TAF6L: variants seen among roughly 807,000 people sequenced by gnomAD.
The protein encoded by TAF6L is TATA-box binding protein associated factor 6 like.
In TAF6L, 34 loss-of-function variants were observed where a neutral mutation model predicts 57.3. The ratio of observed to expected loss-of-function variants is 0.59; its 90% CI spans 0.45 to 0.79. The LOEUF (loss-of-function observed/expected upper bound fraction) is 0.79. Among genes scored for constraint, TAF6L ranks in the 30% least tolerant of loss-of-function variants. The pLI is 0.00. For missense variants in TAF6L, 782 were observed against 853.2 expected, an observed-to-expected ratio of 0.92 and a Z score of 1.04; for synonymous variants, 417 against 376.3, an observed-to-expected ratio of 1.11 and a Z score of -1.25.
intron 9 of TAF6L, among the ~76,000 whole-genome samples, chr11:62,783,265 A>G (rs1227007564): frequency 2.6e-5 from 4 of 152,190 alleles, no homozygotes; most frequent in South Asian, 2.1e-4. Context: ...GGCGGATCAC[A>G]AGGTCAGGAG....
chr11:62,781,843 T>A lies in TAF6L; in HGVS notation c.532-51T>A, dbSNP rs1417463194. The A allele has an allele frequency of 2.0e-6, 3 of 1,490,794 alleles. No homozygotes were observed. In the Admixed American group the frequency reaches 5.0e-5, roughly 25 times the overall value. The allele number at this position is 1,490,794 out of a possible 1,614,324, so 92.3% of individuals were successfully genotyped here. A position where few individuals can be genotyped will look rare whatever the true frequency, so the allele number is the denominator to read the frequency against. On this transcript the variant is annotated intron_variant, in intron 6 of 10. Transcript: ENST00000294168. ...GTCTTCCAGAAGAATACCGCATTCA[T>A]GTTTTACAATTTTCTGGTGGATCCA...
Position 62,782,706 on chromosome 11 carries a change from C to G in TAF6L, c.841C>G (p.Leu281Val), listed in dbSNP as rs1002439374. 12 of 1,612,238 alleles carry G rather than the reference C, an allele frequency of 7.4e-6. No homozygotes were observed. Among genetic ancestry groups the G allele is most frequent in the Non-Finnish European group, 1.0e-5 (12 of 1,179,992 alleles). Residue 281 changes from leucine to valine, a missense_variant, in exon 9 of 11, where the codon CTT becomes GTT. Around this residue, in one of 3 missense-constraint regions of TAF6L, gnomAD observed 79 missense variants for 156.0 expected, o/e 0.51. Coordinates refer to ENST00000294168, the MANE Select transcript of TAF6L (RefSeq NM_006473.4). ...LSHIFWTHGD[L>V]VSGLYQHILL... ...GTGCTCCCACAGGACTCATGGGGAC[C>G]TTGTAAGTGGCCTCTATCAGCATAT...
chr11:62,779,909 AC>A (rs2084214451), intron 6 of TAF6L, among the ~76,000 whole-genome samples: 1 of 129,900 alleles, frequency 7.7e-6, no homozygotes, highest in African/African-American at 2.9e-5. Context: ...CAGGTGATCC[AC>A]CCGCCTCTGC....
chr11:62,774,892 A>C (rs1441413880), intron 1 of TAF6L, among the ~76,000 whole-genome samples: 3 of 141,296 alleles, frequency 2.1e-5, no homozygotes, highest in Non-Finnish European at 4.7e-5. Context: ...ACTCCGTCTC[A>C]AAAAAAAAAA....
intron 1 of TAF6L, among the ~76,000 whole-genome samples, chr11:62,773,633 GATGGGGGTTTTTCT>G (rs2084165563): frequency 1.3e-5 from 2 of 151,798 alleles, no homozygotes; most frequent in Non-Finnish European, 2.9e-5. Flanking sequence ...TTGTAGTAGA[GATGGGGGTTTTTCT>G]ATGTTGGTCA....
chr11:62,772,480 G>A (rs1041431802), intron 1 of TAF6L, among the ~76,000 whole-genome samples: 1 of 149,594 alleles, frequency 6.7e-6, no homozygotes, highest in African/African-American at 2.5e-5. Context: ...CCGAGATCAC[G>A]CCACTGTACT....
At chr11:62,771,737 T>C (rs190932018) in intron 1 of TAF6L, 15 of 216,956 alleles carry the variant, frequency 6.9e-5, no homozygotes, top group Non-Finnish European at 1.3e-4. Flanking sequence ...CTCTCCAGCG[T>C]GACTAGTGGC....
Position 62,778,520 on chromosome 11 carries a change from TG to T in TAF6L, c.436+186del, listed in dbSNP as rs898949732. On this transcript the variant is annotated intron_variant, in intron 5 of 10. Coordinates refer to ENST00000294168, the MANE Select transcript of TAF6L (RefSeq NM_006473.4). ...AGAGTTGGAGATGGGGGCCCAGACC[TG>T]TAACTAGTCATAATGCAGCATGTTG... 3.4e-5 allele frequency: 23 copies of T among 683,726 alleles called. No homozygotes were observed. The African/African-American group carries it at 3.8e-4, about 11-fold the overall frequency. 42.4% of individuals were successfully genotyped at this position (683,726 alleles called of 1,614,324 possible).
At position 62,786,520 on chromosome 11, in the gene TAF6L, G is replaced by C; in HGVS notation, c.1093G>C (p.Ala365Pro). 5 of 1,554,636 alleles carry C rather than the reference G, an allele frequency of 3.2e-6. No individual in the cohort carries two copies. The highest frequency in any genetic ancestry group is 4.4e-6 in the Non-Finnish European group (5 of 1,146,840). Residue 365 changes from alanine (A) to proline (P), a missense_variant, in exon 11 of 11, where the codon GCG becomes CCG. By Grantham distance (27) the Ala-to-Pro change is conservative. Coordinates refer to ENST00000294168, the MANE Select transcript of TAF6L (RefSeq NM_006473.4). ...TCTTAGTCCTTGGCTCTTACAGGTG[G>C]CGGTAGAGCGACTGCTGAAGATGAA... The part of the protein sequence containing the change: ...GHKVYGAILV[A>P]VERLLKMKAQ...
chr11:62,782,826 G>T lies in TAF6L; in HGVS notation c.960+1G>T. 6.2e-7 allele frequency: 1 copy of T among 1,614,000 alleles called. No homozygotes were observed. The highest frequency in any genetic ancestry group is 2.2e-5 in the East Asian group (1 of 44,890). On this transcript the variant is annotated splice_donor_variant, in intron 9 of 10. Transcript: ENST00000294168. LOFTEE classifies it high-confidence loss of function. ...GGGGCTGCATGCTCTTGGCTGGAAG[G>T]TGAGCACCCTGGCCTTTCTCACACA...
rs187973390 is a variant in TAF6L, at chr11:62,779,147, A to C, written c.531+184A>C. ...GTGATTCTCCTGCCTCAGCCTCCTG[A>C]ATAGCTGGGATTACAGGCGTGTGCC... is the stretch of plus-strand genomic sequence containing the variant. On this transcript the variant is annotated intron_variant, in intron 6 of 10. Transcript: ENST00000294168. 5.7e-3 allele frequency among the ~76,000 whole-genome samples: 867 copies of C among 151,722 alleles called. 3 individuals carry two copies. Among genetic ancestry groups the C allele is most frequent in the Non-Finnish European group, 8.3e-3 (566 of 67,954 alleles).
chr11:62,782,523 T>C (rs986030325), intron 8 of TAF6L, 170 bp from the exon 9 acceptor site: 21 of 1,090,340 alleles, frequency 1.9e-5, no homozygotes, highest in Non-Finnish European at 2.8e-5. Flanking sequence ...CGCCAAGGTA[T>C]TGGTTCTTCA....
chr11:62,780,696 G>A (rs1195657737), intron 6 of TAF6L, among the ~76,000 whole-genome samples: 1 of 151,894 alleles, frequency 6.6e-6, no homozygotes, highest in African/African-American at 2.4e-5. Context: ...TTGGGAGGCC[G>A]AGGTGGGTGG....
chr11:62,782,538 T>G, intron 8 of TAF6L, 155 bp from the exon 9 acceptor site: 1 of 1,189,906 alleles, frequency 8.4e-7, no homozygotes, highest in Non-Finnish European at 1.2e-6. Flanking sequence ...TCTTCAGCCC[T>G]CAGGTCCTAG....
At chr11:62,776,225 G>T (rs945321257) in intron 2 of TAF6L, among the ~76,000 whole-genome samples, 159 bp from the exon 3 acceptor site, 5 of 152,190 alleles carry the variant, frequency 3.3e-5, no homozygotes, top group African/African-American at 1.2e-4. Context: ...TGACACCCGG[G>T]GGGTGTTTTT....
rs1297405133 is a variant in TAF6L, at chr11:62,786,559, G to C, written c.1132G>C (p.Glu378Gln). 7.7e-6 allele frequency: 12 copies of C among 1,557,530 alleles called. No homozygotes were observed. The highest frequency in any genetic ancestry group is 9.6e-6 in the Non-Finnish European group (11 of 1,151,112). Residue 378 changes from glutamate (E) to glutamine (Q), a missense_variant, in exon 11 of 11, where the codon GAG (glutamate) becomes CAG (glutamine). Glu to Gln is a conservative substitution (Grantham distance 29). Transcript: ENST00000294168. ...GCTGAAGATGAAGGCCCAGGCAGCA[G>C]AGCCCAACAGGGGTGGCCCAGGTGG... ...RLLKMKAQAA[E>Q]PNRGGPGGRG...
intron 9 of TAF6L, among the ~76,000 whole-genome samples, chr11:62,783,825 GC>G (rs2084248844): frequency 6.6e-6 from 1 of 150,740 alleles, no homozygotes; most frequent in African/African-American, 2.4e-5. Flanking sequence ...GAGCCACCAC[GC>G]CCAGCCGATT....
chr11:62,775,958 C>T, intron 2 of TAF6L, 28 bp downstream of exon 2: 1 of 1,575,864 alleles, frequency 6.3e-7, no homozygotes, highest in South Asian at 1.2e-5. Context: ...CCTGATACCT[C>T]CAACTTTCCT....
intron 1 of TAF6L, among the ~76,000 whole-genome samples, chr11:62,774,080 T>C (rs114207321): frequency 0.019 from 2,938 of 152,138 alleles, 89 homozygotes; most frequent in African/African-American, 0.065. Flanking sequence ...TTGTTCTTTA[T>C]TTCTTTTTTT....
Sources: gnomAD v4.1 joint callset for allele counts (sites outside exome capture counted in the v4.1 genomes callset) on GRCh38, gnomAD v4.1.1 for gene constraint, gnomAD v4.1.1 regional missense constraint, MANE v1.5 for transcripts, NCBI Gene and HGNC (gene_info 2026-07-23, HGNC 2026-07-21) for gene names.